MGAT4C: variants seen among roughly 807,000 people sequenced by gnomAD.
The protein encoded by MGAT4C is alpha-1,3-mannosyl-glycoprotein 4-beta-N-acetylglucosaminyltransferase C.
Under a neutral mutation model 40.1 loss-of-function variants are expected in MGAT4C, and 19 were observed. The observed-to-expected ratio is 0.47, with a 90% confidence interval of 0.33 to 0.70. MGAT4C has a LOEUF of 0.70. Ranked by LOEUF, MGAT4C falls within the 30% of genes least tolerant of loss-of-function variation. MGAT4C has a pLI of 0.02. For synonymous variants in MGAT4C, 181 were observed against 187.1 expected (o/e 0.97, Z 0.27); for missense variants, 491 against 563.2 (o/e 0.87, Z 1.30).
At chr12:86,743,819 AT>A (rs1460642825) in intron 1 of MGAT4C, among the ~76,000 whole-genome samples, 3 of 151,620 alleles carry the variant, frequency 2.0e-5, no homozygotes, top group African/African-American at 4.8e-5. Context: ...GTAAAATTAA[AT>A]TTACTTTTAT....
chr12:86,788,367 G>A (rs373559084), intron 1 of MGAT4C, among the ~76,000 whole-genome samples: 2 of 146,848 alleles, frequency 1.4e-5, no homozygotes, highest in Non-Finnish European at 3.0e-5. Context: ...AAATCATGTT[G>A]ATCTTGTCTC....
At chr12:86,172,437 A>G (rs529778240) in intron 1 of MGAT4C, among the ~76,000 whole-genome samples, 11 of 152,172 alleles carry the variant, frequency 7.2e-5, no homozygotes, top group Non-Finnish European at 1.0e-4. Context: ...ACTGTATACC[A>G]GGTCTTCTGG....
chr12:86,185,263 A>G (rs1164026420), intron 1 of MGAT4C, among the ~76,000 whole-genome samples: 2 of 151,984 alleles, frequency 1.3e-5, no homozygotes, highest in South Asian at 2.1e-4. Context: ...TTTACTTCTT[A>G]TATTTACTAT....
intron 2 of MGAT4C, among the ~76,000 whole-genome samples, chr12:86,674,842 A>G (rs1964350942): frequency 6.6e-6 from 1 of 152,230 alleles, no homozygotes; most frequent in Non-Finnish European, 1.5e-5. Context: ...ATTTGAACAT[A>G]AAATATACAC....
In MGAT4C at chr12:86,418,411, T is replaced by C. The variant is rs931429987; in HGVS notation, c.-120+16746A>G. Among the ~76,000 whole-genome samples the C allele has an allele frequency of 5.3e-5, 8 of 152,100 alleles. No homozygotes were observed. In the East Asian group the frequency reaches 1.5e-3, roughly 29 times the overall value. Reference sequence around the variant, plus strand: ...TGAGGTCAGGAGTTTGAGACCAGCCTGGCTAACATGGTGAAACTCCATCTC... The same window carrying C: ...TGAGGTCAGGAGTTTGAGACCAGCCCGGCTAACATGGTGAAACTCCATCTC... On this transcript the variant is annotated intron_variant, in intron 3 of 7. Transcript: ENST00000548651.
intron 4 of MGAT4C, among the ~76,000 whole-genome samples, chr12:86,296,694 C>T (rs1226876615): frequency 3.3e-5 from 5 of 152,330 alleles, no homozygotes; most frequent in Non-Finnish European, 5.9e-5. Flanking sequence ...CCAGCGGCTC[C>T]GAGTGCGGGG....
At chr12:86,340,785 C>T (rs1954890537) in intron 3 of MGAT4C, among the ~76,000 whole-genome samples, 1 of 152,070 alleles carries the variant, frequency 6.6e-6, no homozygotes, top group African/African-American at 2.4e-5. Flanking sequence ...ATCCTGGGTT[C>T]CTCATAGAGT....
intron 1 of MGAT4C, among the ~76,000 whole-genome samples, chr12:86,766,065 A>T (rs945635210): frequency 1.3e-5 from 2 of 152,204 alleles, no homozygotes; most frequent in Admixed American, 6.5e-5. Context: ...TAAAAGACAC[A>T]GACTGGCAAA....
At position 86,776,789 on chromosome 12, in the gene MGAT4C, C is replaced by T. The variant is rs543887250; in HGVS notation, c.-261-49548G>A. Among the ~76,000 whole-genome samples, 88 of 152,116 alleles carry T rather than the reference C, an allele frequency of 5.8e-4. 1 individual carries two copies. The highest frequency in any genetic ancestry group is 6.2e-4 in the Non-Finnish European group (42 of 67,946). ...TGTTTTGTACACGTTAGATTACTTC[C>T]TTCTCACACTTTGAATACATTCAAA... On this transcript the variant is annotated intron_variant, in intron 1 of 7. Coordinates refer to the MGAT4C transcript ENST00000548651.
intron 2 of MGAT4C, among the ~76,000 whole-genome samples, chr12:86,699,269 T>A (rs1950314119): frequency 6.6e-6 from 1 of 152,140 alleles, no homozygotes; most frequent in Non-Finnish European, 1.5e-5. Context: ...TTATGATGAA[T>A]CCTACAGTCA....
intron 3 of MGAT4C, among the ~76,000 whole-genome samples, chr12:86,345,446 C>A (rs1228755544): frequency 1.3e-5 from 2 of 151,506 alleles, no homozygotes; most frequent in African/African-American, 4.9e-5. Flanking sequence ...CCACAACAGT[C>A]CCTGATGTGT....
At chr12:86,508,421 G>A (rs527525109) in intron 2 of MGAT4C, among the ~76,000 whole-genome samples, 1 of 152,116 alleles carries the variant, frequency 6.6e-6, no homozygotes, top group African/African-American at 2.4e-5. Context: ...GTATTCCACG[G>A]TGTATATGTG....
intron 2 of MGAT4C, among the ~76,000 whole-genome samples, chr12:86,467,389 G>T (rs1957696965): frequency 6.6e-6 from 1 of 152,158 alleles, no homozygotes. Context: ...ACACCATGGA[G>T]TAGGTCCACG....
chr12:86,315,026 C>A (rs1360121984), intron 4 of MGAT4C, among the ~76,000 whole-genome samples: 2 of 133,208 alleles, frequency 1.5e-5, no homozygotes, highest in Middle Eastern at 4.2e-3. Context: ...TGAAAAAAAA[C>A]AAGCCTGAAT....
At chr12:86,735,619 T>C (rs1239832991) in intron 1 of MGAT4C, among the ~76,000 whole-genome samples, 1 of 151,876 alleles carries the variant, frequency 6.6e-6, no homozygotes, top group Non-Finnish European at 1.5e-5. Context: ...TGGGCTGCCT[T>C]CTAAGAAGGC....
At chr12:86,706,012 T>A (rs1291131696) in intron 2 of MGAT4C, among the ~76,000 whole-genome samples, 4 of 152,302 alleles carry the variant, frequency 2.6e-5, no homozygotes, top group Non-Finnish European at 5.9e-5. Context: ...AATTCATCAC[T>A]GTGTTTGTTG....
chr12:86,207,322 G>A (rs1341283969), intron 1 of MGAT4C, among the ~76,000 whole-genome samples: 2 of 151,454 alleles, frequency 1.3e-5, no homozygotes, highest in South Asian at 4.2e-4. Context: ...TGTGCTGAAC[G>A]TGCAGGCTTG....
At chr12:86,303,842 T>C (rs1321167039) in intron 4 of MGAT4C, among the ~76,000 whole-genome samples, 2 of 150,652 alleles carry the variant, frequency 1.3e-5, no homozygotes, top group East Asian at 1.9e-4. Flanking sequence ...TTTTACTTTG[T>C]TACGTTGTGA....
intron 1 of MGAT4C, among the ~76,000 whole-genome samples, chr12:86,245,854 T>C (rs1322043720): frequency 6.6e-6 from 1 of 152,160 alleles, no homozygotes; most frequent in Non-Finnish European, 1.5e-5. Flanking sequence ...TCTAAGTAAA[T>C]CAAAAATTTC....
Sources: allele counts gnomAD v4.1 joint callset (sites outside exome capture counted in the v4.1 genomes callset), GRCh38; gene constraint gnomAD v4.1.1; transcripts MANE v1.5; gene names NCBI Gene and HGNC (gene_info 2026-07-23, HGNC 2026-07-21).